The following RUNDC3B variants were observed in gnomAD, a reference collection of about 807,000 sequenced individuals.
RUNDC3B encodes RUN domain-containing protein 3B.
In RUNDC3B, 33 loss-of-function variants were observed where a neutral mutation model predicts 58.4. The ratio of observed to expected loss-of-function variants is 0.56; its 90% confidence interval spans 0.43 to 0.75. RUNDC3B has a LOEUF of 0.75. Ranked by LOEUF, RUNDC3B falls within the 30% of genes least tolerant of loss-of-function variation. The pLI is 0.00. For synonymous variants in RUNDC3B, 193 were observed against 195.2 expected, an observed-to-expected ratio of 0.99 and a Z score of 0.10; for missense variants, 501 against 535.7, an observed-to-expected ratio of 0.94 and a Z score of 0.64.
At chr7:87,708,960 C>T (rs1022761282) in intron 3 of RUNDC3B, among the ~76,000 whole-genome samples, 1 of 152,100 alleles carries the variant, frequency 6.6e-6, no homozygotes, top group Non-Finnish European at 1.5e-5. Flanking sequence ...TTATGGATCA[C>T]CCTTATCAAC....
At position 87,750,029 on chromosome 7, in the gene RUNDC3B, TCCCCCCA is replaced by T. The variant is rs997096717; in HGVS notation, c.629+8455_629+8461del. On this transcript the variant is annotated intron_variant, in intron 6 of 10. Coordinates refer to ENST00000394654, the MANE Select transcript of RUNDC3B (RefSeq NM_001134405.2). ...ATCTCCCAATGCTATCCCTCCCCTC[TCCCCCCA>T]CCCCACAACAGGTCCCAGAGTGTGA... 2.3e-4 allele frequency among the ~76,000 whole-genome samples: 34 copies of T among 150,748 alleles called. No homozygotes were observed. The South Asian group carries it at 5.1e-3, about 23-fold the overall frequency.
At chr7:87,696,381 C>G (rs1390829581) in intron 2 of RUNDC3B, among the ~76,000 whole-genome samples, 1 of 151,980 alleles carries the variant, frequency 6.6e-6, no homozygotes, top group African/African-American at 2.4e-5. Context: ...CTGTTAAATA[C>G]AGGTTATAGA....
chr7:87,660,703 T>C (rs1264224022), intron 2 of RUNDC3B, among the ~76,000 whole-genome samples: 2 of 151,972 alleles, frequency 1.3e-5, no homozygotes, highest in African/African-American at 4.8e-5. Flanking sequence ...CTTAGCAGAT[T>C]AATTTTCAAA....
intron 6 of RUNDC3B, among the ~76,000 whole-genome samples, chr7:87,749,874 A>AT (rs1423379543): frequency 1.3e-5 from 2 of 150,230 alleles, no homozygotes; most frequent in African/African-American, 4.9e-5. Context: ...TTTTTAATTT[A>AT]TTTTTATTTT....
At chr7:87,675,596 A>G (rs960993935) in intron 2 of RUNDC3B, among the ~76,000 whole-genome samples, 4 of 150,376 alleles carry the variant, frequency 2.7e-5, no homozygotes, top group African/African-American at 7.3e-5. Flanking sequence ...AGAGTACACA[A>G]TAGGGAAAGG....
At chr7:87,651,762 A>T (rs933162399) in intron 2 of RUNDC3B, among the ~76,000 whole-genome samples, 9 of 152,152 alleles carry the variant, frequency 5.9e-5, no homozygotes, top group Non-Finnish European at 7.4e-5. Context: ...TGCTGAAAGC[A>T]TCCAGGTTTT....
At chr7:87,758,358 C>T (rs6962399) in intron 6 of RUNDC3B, among the ~76,000 whole-genome samples, 3,066 of 152,018 alleles carry the variant, frequency 0.02, 110 homozygotes, top group African/African-American at 0.07. Flanking sequence ...AAACAAAAAC[C>T]GAACACCTGG....
chr7:87,629,161 A>AATTC, intron 1 of RUNDC3B: 3 of 407,210 alleles, frequency 7.4e-6, no homozygotes, highest in Non-Finnish European at 1.3e-5. Flanking sequence ...TCCAGTGCTG[A>AATTC]AGGTACTGGA....
chr7:87,779,078 C>G (rs1834800702), intron 8 of RUNDC3B, among the ~76,000 whole-genome samples: 1 of 152,090 alleles, frequency 6.6e-6, no homozygotes, highest in South Asian at 2.1e-4. Flanking sequence ...TCCTTCATTT[C>G]TTACTGCTTC....
chr7:87,769,026 G>A (rs527520133), intron 6 of RUNDC3B, among the ~76,000 whole-genome samples: 16 of 151,462 alleles, frequency 1.1e-4, no homozygotes, highest in South Asian at 4.2e-4. Flanking sequence ...TTTTTGAGAC[G>A]GAGTCTCTCT....
intron 6 of RUNDC3B, among the ~76,000 whole-genome samples, chr7:87,762,456 T>C (rs1833745807): frequency 1.3e-5 from 2 of 151,466 alleles, no homozygotes; most frequent in Admixed American, 1.3e-4. Context: ...AAATAGACTT[T>C]ATTTTCCTTT....
At chr7:87,652,344 T>C (rs1823657823) in intron 2 of RUNDC3B, among the ~76,000 whole-genome samples, 1 of 152,094 alleles carries the variant, frequency 6.6e-6, no homozygotes. Flanking sequence ...ACTATGTAAG[T>C]GGATGCCTCC....
chr7:87,702,577 A>G (rs1201190407), intron 3 of RUNDC3B, among the ~76,000 whole-genome samples: 1 of 152,090 alleles, frequency 6.6e-6, no homozygotes, highest in East Asian at 1.9e-4. Context: ...ACCATGACCA[A>G]CTCATTATTT....
intron 2 of RUNDC3B, among the ~76,000 whole-genome samples, chr7:87,673,079 G>A (rs1563122020): frequency 6.6e-6 from 1 of 152,168 alleles, no homozygotes; most frequent in Non-Finnish European, 1.5e-5. Context: ...TCTGCTGAAA[G>A]GTTTGCTGTT....
chr7:87,707,692 T>TAAATA (rs899256475), intron 3 of RUNDC3B, among the ~76,000 whole-genome samples: 17 of 151,642 alleles, frequency 1.1e-4, no homozygotes, highest in South Asian at 4.2e-4. Flanking sequence ...ATAAAATAAA[T>TAAATA]AAATAAAATA....
chr7:87,810,995 A>G (rs1836684702), intron 9 of RUNDC3B, among the ~76,000 whole-genome samples: 1 of 152,200 alleles, frequency 6.6e-6, no homozygotes, highest in African/African-American at 2.4e-5. Flanking sequence ...TGTATAAAAC[A>G]TGTTCCTTTA....
chr7:87,771,604 C>T (rs1170364532), intron 7 of RUNDC3B, among the ~76,000 whole-genome samples: 1 of 152,120 alleles, frequency 6.6e-6, no homozygotes, highest in Non-Finnish European at 1.5e-5. Context: ...AGAAAAGGAA[C>T]TCCCTAGGGA....
chr7:87,642,747 A>G (rs1186213067), intron 1 of RUNDC3B, among the ~76,000 whole-genome samples: 1 of 151,902 alleles, frequency 6.6e-6, no homozygotes, highest in African/African-American at 2.4e-5. Flanking sequence ...GTTATTTTTT[A>G]TGTTTGGCAA....
intron 9 of RUNDC3B, among the ~76,000 whole-genome samples, chr7:87,813,791 A>T (rs1053008425): frequency 2.6e-5 from 4 of 151,880 alleles, no homozygotes; most frequent in African/African-American, 9.7e-5. Flanking sequence ...CATCCTGGCT[A>T]ACACGGTGAA....
Sources: allele counts gnomAD v4.1 joint callset (sites outside exome capture counted in the v4.1 genomes callset), GRCh38; gene constraint gnomAD v4.1.1; transcripts MANE v1.5; gene names NCBI Gene and HGNC (gene_info 2026-07-23, HGNC 2026-07-21).